COL25A1: variants seen among roughly 807,000 people sequenced by gnomAD.
COL25A1 encodes collagen alpha-1(XXV) chain.
A neutral mutation model predicts 128.4 loss-of-function variants in COL25A1; 103 were observed. That is an observed-to-expected ratio of 0.80 (90% CI 0.68 to 0.94). COL25A1 has a LOEUF of 0.94. COL25A1 is among the 40% of genes least tolerant of loss of function. COL25A1 has a pLI of 0.00. For synonymous variants in COL25A1, 279 were observed against 277.2 expected, an observed-to-expected ratio of 1.01 and a Z score of -0.06; for missense variants, 745 against 840.0, an observed-to-expected ratio of 0.89 and a Z score of 1.40.
At chr4:108,948,208 A>G (rs886450429) in intron 8 of COL25A1, among the ~76,000 whole-genome samples, 1 of 152,250 alleles carries the variant, frequency 6.6e-6, no homozygotes, top group African/African-American at 2.4e-5. Flanking sequence ...AGAATTTAAG[A>G]GAAAGAAATT....
intron 3 of COL25A1, among the ~76,000 whole-genome samples, chr4:109,073,375 T>C (rs915770462): frequency 6.6e-6 from 1 of 152,168 alleles, no homozygotes; most frequent in African/African-American, 2.4e-5. Flanking sequence ...AATGTACAGA[T>C]CCATTAGACC....
At position 108,863,306 on chromosome 4, in the gene COL25A1, A is replaced by T; in HGVS notation, c.1152+13T>A. The T allele has an allele frequency of 6.2e-7, 1 of 1,611,370 alleles. No individual in the cohort carries two copies. The highest frequency in any genetic ancestry group is 8.5e-7 in the Non-Finnish European group (1 of 1,177,746). On this transcript the variant is annotated intron_variant, in intron 21 of 37. Transcript: ENST00000399132. The stretch of plus-strand genomic sequence containing the variant: ...CCAGAGAATGGTTATTTTCCAGTTT[A>T]AGAATAACTCACCTTTGGTCCGGGG...
At chr4:108,941,322 C>T (rs1451244007) in intron 9 of COL25A1, 44 bp downstream of exon 9, 1 of 1,481,886 alleles carries the variant, frequency 6.7e-7, no homozygotes, top group East Asian at 2.3e-5. Flanking sequence ...AGAGCAATAA[C>T]TGATGTAAAG....
intron 3 of COL25A1, among the ~76,000 whole-genome samples, chr4:109,120,500 G>A (rs1768015303): frequency 6.6e-6 from 1 of 152,032 alleles, no homozygotes; most frequent in African/African-American, 2.4e-5. Flanking sequence ...TAAGTAAGAA[G>A]AATTTGAAAT....
chr4:108,898,723 A>C (rs1378010723), intron 15 of COL25A1, among the ~76,000 whole-genome samples: 1 of 152,140 alleles, frequency 6.6e-6, no homozygotes, highest in Non-Finnish European at 1.5e-5. Flanking sequence ...TTAGAATGGC[A>C]TTAGCAAGTA....
chr4:109,122,467 G>A (rs1768191639), intron 3 of COL25A1, among the ~76,000 whole-genome samples: 1 of 151,796 alleles, frequency 6.6e-6, no homozygotes, highest in Non-Finnish European at 1.5e-5. Context: ...GGAAGTGAGG[G>A]GAATCGAGGG....
At position 109,129,893 on chromosome 4, in the gene COL25A1, C is replaced by T. The variant is rs567201947; in HGVS notation, c.368-79714G>A. ...AGATTAAAAGAATTGGGAGATATAC[C>T]TAATGCTAGATGACGAGTTAGTGGG... On this transcript the variant is annotated intron_variant, in intron 3 of 37. Coordinates refer to ENST00000399132, the MANE Select transcript of COL25A1 (RefSeq NM_198721.4). Among the ~76,000 whole-genome samples, 4 of 151,954 alleles carry T rather than the reference C, an allele frequency of 2.6e-5. No homozygotes were observed. In the South Asian group the frequency reaches 8.3e-4, roughly 32 times the overall value.
At chr4:108,916,589 T>C (rs995341169) in intron 13 of COL25A1, among the ~76,000 whole-genome samples, 1 of 151,782 alleles carries the variant, frequency 6.6e-6, no homozygotes, top group African/African-American at 2.4e-5. Context: ...GTTTTGTTTC[T>C]CACCAATGTC....
chr4:108,860,135 G>A (rs1444207981), intron 23 of COL25A1, among the ~76,000 whole-genome samples: 4 of 151,800 alleles, frequency 2.6e-5, no homozygotes, highest in African/African-American at 7.3e-5. Flanking sequence ...TTTTTGAGAC[G>A]GAGTCTCACT....
At position 108,938,240 on chromosome 4, in the gene COL25A1, G is replaced by T. The variant is rs142128972; in HGVS notation, c.673-397C>A. Among the ~76,000 whole-genome samples, 464 of 152,172 alleles carry T rather than the reference G, an allele frequency of 3.0e-3. 1 individual carries two copies. Among genetic ancestry groups the T allele is most frequent in the African/African-American group, 0.011 (445 of 41,534 alleles). ...TGAAGTAACATGTTTCATTAAATTT[G>T]ATAGAGAAAATTACACTATATCATG... On this transcript the variant is annotated intron_variant, in intron 10 of 37. Coordinates refer to ENST00000399132, the MANE Select transcript of COL25A1 (RefSeq NM_198721.4).
chr4:108,849,086 A>G (rs747325006), intron 26 of COL25A1, among the ~76,000 whole-genome samples: 4 of 152,156 alleles, frequency 2.6e-5, no homozygotes, highest in Non-Finnish European at 5.9e-5. Flanking sequence ...AGGAAAACTG[A>G]TAGACACAAT....
chr4:108,922,517 G>A (rs1283021737), intron 11 of COL25A1, among the ~76,000 whole-genome samples: 3 of 151,922 alleles, frequency 2.0e-5, no homozygotes, highest in Non-Finnish European at 4.4e-5. Flanking sequence ...ATATAACCCC[G>A]GAAGGGAATA....
chr4:108,968,247 C>T (rs1751539260), intron 8 of COL25A1, among the ~76,000 whole-genome samples: 1 of 152,046 alleles, frequency 6.6e-6, no homozygotes, highest in Non-Finnish European at 1.5e-5. Context: ...AAGTTAATGC[C>T]GAAAAGTTAG....
chr4:109,112,164 T>C (rs1767083930), intron 3 of COL25A1, among the ~76,000 whole-genome samples: 1 of 152,150 alleles, frequency 6.6e-6, no homozygotes, highest in African/African-American at 2.4e-5. Flanking sequence ...CCCTGCTATA[T>C]GTTCATTTTC....
At chr4:109,120,810 C>T (rs1448491567) in intron 3 of COL25A1, among the ~76,000 whole-genome samples, 2 of 101,994 alleles carry the variant, frequency 2.0e-5, no homozygotes, top group Admixed American at 8.8e-5. Flanking sequence ...TCTGTCTCAA[C>T]AAAAGAAAAA....
chr4:109,015,147 T>G (rs1757102164), intron 5 of COL25A1, among the ~76,000 whole-genome samples: 1 of 152,232 alleles, frequency 6.6e-6, no homozygotes. Flanking sequence ...TCCTAGAGAC[T>G]GAGAGCGTGT....
At chr4:109,089,137 A>T (rs1764684757) in intron 3 of COL25A1, among the ~76,000 whole-genome samples, 1 of 152,250 alleles carries the variant, frequency 6.6e-6, no homozygotes, top group African/African-American at 2.4e-5. Flanking sequence ...ATTAAACAAA[A>T]GAAGACATGA....
chr4:109,203,801 T>A (rs963940525), intron 3 of COL25A1, among the ~76,000 whole-genome samples: 3 of 152,190 alleles, frequency 2.0e-5, no homozygotes, highest in African/African-American at 7.2e-5. Flanking sequence ...TGTGACAAAT[T>A]TCCACTTAAT....
chr4:109,087,629 T>C (rs1005591131), intron 3 of COL25A1, among the ~76,000 whole-genome samples: 1 of 152,248 alleles, frequency 6.6e-6, no homozygotes, highest in Non-Finnish European at 1.5e-5. Flanking sequence ...AATATACTAC[T>C]GACTGATCTG....
Sources: gnomAD v4.1 joint callset for allele counts (sites outside exome capture counted in the v4.1 genomes callset) on GRCh38, gnomAD v4.1.1 for gene constraint, MANE v1.5 for transcripts, NCBI Gene and HGNC (gene_info 2026-07-23, HGNC 2026-07-21) for gene names.